Variants in ALDH1A2 observed in about 807,000 individuals in gnomAD.
ALDH1A2 encodes the protein aldehyde dehydrogenase 1 family member A2, also known as retinal dehydrogenase 2.
In ALDH1A2, 27 loss-of-function variants were observed where a neutral mutation model predicts 60.3. That is an observed-to-expected ratio of 0.45 (90% CI 0.33 to 0.62). The LOEUF (loss-of-function observed/expected upper bound fraction) is 0.62. Ranked by LOEUF, ALDH1A2 falls within the 20% of genes least tolerant of loss-of-function variation. The pLI, the probability that ALDH1A2 is intolerant of heterozygous loss-of-function variation, is 0.02. For synonymous variants in ALDH1A2, 289 were observed against 232.4 expected (o/e 1.24, Z -2.21); for missense variants, 581 against 643.8 (o/e 0.90, Z 1.06).
chr15:58,059,389 C>T (rs1395840801), intron 1 of ALDH1A2, among the ~76,000 whole-genome samples: 1 of 152,144 alleles, frequency 6.6e-6, no homozygotes, highest in Admixed American at 6.6e-5. Context: ...AAGGTGACTG[C>T]TCCTGGAAAA....
chr15:58,001,046 A>AAAAC (rs1312930211), intron 4 of ALDH1A2, among the ~76,000 whole-genome samples: 1 of 151,206 alleles, frequency 6.6e-6, no homozygotes, highest in African/African-American at 2.4e-5. Flanking sequence ...AAAAAAAAAA[A>AAAAC]AAAAAAAGAA....
intron 5 of ALDH1A2, 80 bp downstream of exon 5, chr15:57,994,998 G>A (rs1595651006): frequency 2.0e-5 from 27 of 1,330,876 alleles, no homozygotes; most frequent in East Asian, 1.4e-4. Context: ...AACACACATC[G>A]CTGAGGACCA....
intron 7 of ALDH1A2, among the ~76,000 whole-genome samples, chr15:57,967,250 G>A (rs1893928059): frequency 6.6e-6 from 1 of 151,414 alleles, no homozygotes; most frequent in Admixed American, 6.6e-5. Flanking sequence ...TCTGAGCCTT[G>A]GATCCTCCTC....
chr15:58,045,943 G>C (rs1896630474), intron 1 of ALDH1A2, among the ~76,000 whole-genome samples: 1 of 151,828 alleles, frequency 6.6e-6, no homozygotes, highest in African/African-American at 2.4e-5. Context: ...ACATGCATTT[G>C]AAAAAAATCT....
chr15:58,014,310 T>C (rs372144606), intron 1 of ALDH1A2, 29 bp from the exon 2 acceptor site: 152 of 1,566,680 alleles, frequency 9.7e-5, no homozygotes, highest in Non-Finnish European at 1.3e-4. Context: ...GAATGGGATC[T>C]GTGACACAGG....
rs1446458132 is a variant in ALDH1A2, at chr15:58,057,999, A to C, written c.117+7535T>G. Reference sequence around the variant, plus strand: ...ATTATCAAACTGTAAAACATAGATGAGGCAGAATTCACCAGTTTCAGTTTT... The same window carrying C: ...ATTATCAAACTGTAAAACATAGATGCGGCAGAATTCACCAGTTTCAGTTTT... On this transcript the variant is annotated intron_variant, in intron 1 of 12. Transcript: ENST00000249750. 10 of 1,375,498 alleles carry C rather than the reference A, an allele frequency of 7.3e-6. No homozygotes were observed. The South Asian group carries it at 1.1e-4, about 15-fold the overall frequency. 85.2% of individuals were successfully genotyped at this position (1,375,498 alleles called of 1,614,324 possible).
At chr15:58,010,162 G>C (rs1290475500) in intron 4 of ALDH1A2, among the ~76,000 whole-genome samples, 1 of 152,122 alleles carries the variant, frequency 6.6e-6, no homozygotes, top group Non-Finnish European at 1.5e-5. Context: ...GAGAAATATA[G>C]AAAGTAGAGA....
In ALDH1A2 at chr15:57,962,056, C is replaced by T; in HGVS notation, c.1207G>A (p.Val403Met). 6.2e-7 allele frequency: 1 copy of T among 1,614,192 alleles called. No homozygotes were observed. The highest frequency in any genetic ancestry group is 8.5e-7 in the Non-Finnish European group (1 of 1,180,026). The change falls in exon 10 of 13, where the codon GTG (valine) becomes ATG (methionine). Residue 403 changes from valine to methionine, a missense_variant. By Grantham distance (21) the Val-to-Met change is conservative. This residue lies in a region of ALDH1A2 where 375 missense variants were observed against 469.7 expected (regional missense o/e 0.80). Coordinates refer to ENST00000249750, the MANE Select transcript of ALDH1A2 (RefSeq NM_003888.4). ...GRKGFFIEPT[V>M]FSNVTDDMRI... ...ATATCATCAGTGACGTTGGAAAACA[C>T]TGTGGGCTCAATGAAAAACCCCTTT...
At chr15:57,983,634 A>T (rs1310581841) in intron 7 of ALDH1A2, among the ~76,000 whole-genome samples, 1 of 152,230 alleles carries the variant, frequency 6.6e-6, no homozygotes, top group Non-Finnish European at 1.5e-5. Context: ...ATTAAATGAC[A>T]GAACTTTAGT....
chr15:57,971,577 C>A (rs1894067666), intron 7 of ALDH1A2, among the ~76,000 whole-genome samples: 2 of 151,798 alleles, frequency 1.3e-5, no homozygotes. Context: ...CACTTGCCAT[C>A]ATGCCTGGCT....
chr15:58,043,706 A>G (rs1896573631), intron 1 of ALDH1A2, among the ~76,000 whole-genome samples: 1 of 152,036 alleles, frequency 6.6e-6, no homozygotes, highest in South Asian at 2.1e-4. Flanking sequence ...CACCAAGAAC[A>G]GCTGGAAACC....
At chr15:58,034,669 T>C (rs548786090) in intron 1 of ALDH1A2, among the ~76,000 whole-genome samples, 3 of 151,826 alleles carry the variant, frequency 2.0e-5, no homozygotes, top group Middle Eastern at 6.8e-3. Context: ...CTTCCTTCTT[T>C]ATATGATGAA....
chr15:58,043,764 T>G (rs982357916), intron 1 of ALDH1A2, among the ~76,000 whole-genome samples: 1 of 151,942 alleles, frequency 6.6e-6, no homozygotes, highest in Admixed American at 6.6e-5. Flanking sequence ...GTGAAATTAT[T>G]CAGTACACCA....
At chr15:57,978,178 CTT>C (rs1407003728) in intron 7 of ALDH1A2, among the ~76,000 whole-genome samples, 1 of 152,180 alleles carries the variant, frequency 6.6e-6, no homozygotes, top group African/African-American at 2.4e-5. Context: ...ATTGAATACC[CTT>C]TATTTCTTTC....
intron 7 of ALDH1A2, among the ~76,000 whole-genome samples, chr15:57,978,209 A>G (rs1455832164): frequency 2.6e-5 from 4 of 152,164 alleles, no homozygotes; most frequent in African/African-American, 9.7e-5. Context: ...GATTGCCCTG[A>G]CCAGAACTTC....
At chr15:58,025,213 AAAAAG>A (rs552186736) in intron 1 of ALDH1A2, among the ~76,000 whole-genome samples, 1 of 152,306 alleles carries the variant, frequency 6.6e-6, no homozygotes, top group South Asian at 2.1e-4. Flanking sequence ...AACAGAGACT[AAAAAG>A]AATACAACAG....
chr15:57,960,706 G>A lies in ALDH1A2; in HGVS notation c.1484+64C>T, dbSNP rs35789027. The A allele has an allele frequency of 6.2e-4, 852 of 1,380,856 alleles. 9 individuals are homozygous for A. In the African/African-American group the frequency reaches 0.01, roughly 16 times the overall value. 85.5% of individuals were successfully genotyped at this position (1,380,856 alleles called of 1,614,324 possible). ...GTAAGATAATTAAACTATTTTTTAAGTACTGCTCTGTGCTGATATTTGCAA... is the reference window on the plus strand; with the variant it reads ...GTAAGATAATTAAACTATTTTTTAAATACTGCTCTGTGCTGATATTTGCAA... On this transcript the variant is annotated intron_variant, in intron 12 of 12. Transcript: ENST00000249750.
intron 1 of ALDH1A2, among the ~76,000 whole-genome samples, chr15:58,020,466 G>A (rs1022642310): frequency 6.6e-6 from 1 of 152,064 alleles, no homozygotes; most frequent in Non-Finnish European, 1.5e-5. Context: ...GAGAATATGT[G>A]AGGAACAAAA....
intron 1 of ALDH1A2, among the ~76,000 whole-genome samples, chr15:58,023,683 C>G (rs1895995869): frequency 8.1e-6 from 1 of 122,948 alleles, no homozygotes; most frequent in East Asian, 2.2e-4. Flanking sequence ...AACTGCCAAC[C>G]CAGAATATTA....
Sources: gnomAD v4.1 joint callset for allele counts (sites outside exome capture counted in the v4.1 genomes callset) on GRCh38, gnomAD v4.1.1 for gene constraint, gnomAD v4.1.1 regional missense constraint, MANE v1.5 for transcripts, NCBI Gene and HGNC (gene_info 2026-07-23, HGNC 2026-07-21) for gene names.